The following PDE4D variants were observed in gnomAD, a reference collection of about 807,000 sequenced individuals.
The protein encoded by PDE4D is phosphodiesterase 4D.
Under a neutral mutation model 87.4 loss-of-function variants are expected in PDE4D, and 24 were observed. That is an observed-to-expected ratio of 0.27 (90% CI 0.20 to 0.39). The LOEUF is 0.39. Among genes scored for constraint, PDE4D ranks in the 10% least tolerant of loss-of-function variants. The pLI is 1.00. For missense variants in PDE4D, 714 were observed against 1,041.0 expected (o/e 0.69, Z 4.32); for synonymous variants, 384 against 383.2 (o/e 1.00, Z -0.02).
At chr5:59,858,657 A>G (rs1320305854) in intron 1 of PDE4D, among the ~76,000 whole-genome samples, 1 of 152,144 alleles carries the variant, frequency 6.6e-6, no homozygotes, top group East Asian at 1.9e-4. Context: ...ATAACTATCC[A>G]TAAGTTCAAC....
intron 1 of PDE4D, among the ~76,000 whole-genome samples, chr5:60,231,451 C>T (rs948222721): frequency 6.6e-6 from 1 of 151,756 alleles, no homozygotes; most frequent in Non-Finnish European, 1.5e-5. Flanking sequence ...AAGAGAAAAA[C>T]TGAGCTGTGC....
At chr5:59,877,905 A>G (rs1409453455) in intron 1 of PDE4D, among the ~76,000 whole-genome samples, 1 of 152,056 alleles carries the variant, frequency 6.6e-6, no homozygotes, top group Non-Finnish European at 1.5e-5. Flanking sequence ...AACACACAGC[A>G]CCACTCCCCA....
chr5:59,379,575 A>G (rs1266038682), intron 1 of PDE4D, among the ~76,000 whole-genome samples: 1 of 152,090 alleles, frequency 6.6e-6, no homozygotes, highest in East Asian at 1.9e-4. Context: ...ATGGTTTACT[A>G]TAAGCCATTT....
chr5:60,174,370 G>T (rs1783737556), intron 2 of PDE4D, among the ~76,000 whole-genome samples: 2 of 152,046 alleles, frequency 1.3e-5, no homozygotes, highest in Admixed American at 1.3e-4. Context: ...TACATGGACG[G>T]GAGTGACAGA....
intron 1 of PDE4D, among the ~76,000 whole-genome samples, chr5:60,228,266 T>A (rs1364119625): frequency 1.3e-5 from 2 of 152,086 alleles, no homozygotes; most frequent in Non-Finnish European, 2.9e-5. Context: ...CCTCTCCTCA[T>A]AAACTGTCAC....
chr5:60,168,191 G>GA (rs1783102862), intron 2 of PDE4D, among the ~76,000 whole-genome samples: 1 of 152,136 alleles, frequency 6.6e-6, no homozygotes, highest in South Asian at 2.1e-4. Context: ...AGTAAAGTGT[G>GA]GACATAGTGA....
chr5:59,917,747 GA>G (rs1754222032), intron 3 of PDE4D, among the ~76,000 whole-genome samples: 1 of 152,074 alleles, frequency 6.6e-6, no homozygotes, highest in African/African-American at 2.4e-5. Context: ...AAATGAATTT[GA>G]AAGACTGAAG....
chr5:59,491,075 A>G (rs547747096), intron 1 of PDE4D, among the ~76,000 whole-genome samples: 2 of 152,326 alleles, frequency 1.3e-5, no homozygotes, highest in African/African-American at 4.8e-5. Flanking sequence ...CATATCTGCA[A>G]TATTTATATT....
chr5:59,465,987 T>C (rs1801534206), intron 1 of PDE4D, among the ~76,000 whole-genome samples: 1 of 152,200 alleles, frequency 6.6e-6, no homozygotes, highest in South Asian at 2.1e-4. Context: ...GAATTTTCTA[T>C]AAAATTGTGG....
chr5:59,468,461 A>G (rs1801927767), intron 1 of PDE4D, among the ~76,000 whole-genome samples: 1 of 152,220 alleles, frequency 6.6e-6, no homozygotes, highest in Non-Finnish European at 1.5e-5. Flanking sequence ...CAAAAAAGGG[A>G]AAGATTAAAG....
intron 1 of PDE4D, among the ~76,000 whole-genome samples, chr5:59,569,748 T>C (rs920238122): frequency 3.9e-5 from 6 of 152,130 alleles, no homozygotes; most frequent in African/African-American, 1.2e-4. Flanking sequence ...TCTCTAACAA[T>C]TGCAGTCTTT....
chr5:59,772,352 TCAG>T (rs1456093647), intron 1 of PDE4D, among the ~76,000 whole-genome samples: 4 of 152,216 alleles, frequency 2.6e-5, no homozygotes, highest in African/African-American at 9.7e-5. Context: ...AAATAAGGCC[TCAG>T]GTTTTAACAA....
intron 5 of PDE4D, among the ~76,000 whole-genome samples, chr5:59,054,674 C>T (rs181990801): frequency 3.8e-4 from 58 of 151,750 alleles, no homozygotes; most frequent in African/African-American, 1.3e-3. Flanking sequence ...AATATATATT[C>T]GAGCCAATAC....
At chr5:60,515,050 A>C (rs1750733970) in intron 1 of PDE4D, among the ~76,000 whole-genome samples, 1 of 152,144 alleles carries the variant, frequency 6.6e-6, no homozygotes, top group African/African-American at 2.4e-5. Flanking sequence ...AAAACAATAA[A>C]ATTTGCAACA....
At chr5:59,766,038 A>G (rs1174293462) in intron 1 of PDE4D, among the ~76,000 whole-genome samples, 2 of 152,260 alleles carry the variant, frequency 1.3e-5, no homozygotes, top group Non-Finnish European at 2.9e-5. Context: ...ACACTGTACT[A>G]GCAACAAATT....
intron 3 of PDE4D, among the ~76,000 whole-genome samples, chr5:59,965,762 T>C (rs117842868): frequency 6.6e-6 from 1 of 152,278 alleles, no homozygotes; most frequent in East Asian, 1.9e-4. Context: ...AATCAAGGCT[T>C]GGCAAAGTTT....
intron 1 of PDE4D, among the ~76,000 whole-genome samples, chr5:59,554,101 G>T (rs1818526437): frequency 6.6e-6 from 1 of 152,154 alleles, no homozygotes; most frequent in African/African-American, 2.4e-5. Context: ...GGATGGATGA[G>T]TTTGTAGGAA....
At chr5:59,818,270 TG>T (rs1449614807) in intron 1 of PDE4D, among the ~76,000 whole-genome samples, 1 of 152,246 alleles carries the variant, frequency 6.6e-6, no homozygotes, top group African/African-American at 2.4e-5. Context: ...TTAAATCTCA[TG>T]TCCCAGTTTG....
intron 1 of PDE4D, among the ~76,000 whole-genome samples, chr5:60,370,191 C>T (rs544823956): frequency 6.6e-6 from 1 of 152,286 alleles, no homozygotes; most frequent in African/African-American, 2.4e-5. Flanking sequence ...GCCCCAGAGG[C>T]CTCTGGGTAG....
Sources: allele counts gnomAD v4.1 joint callset (sites outside exome capture counted in the v4.1 genomes callset), GRCh38; gene constraint gnomAD v4.1.1; transcripts MANE v1.5; gene names NCBI Gene and HGNC (gene_info 2026-07-23, HGNC 2026-07-21).